SMC6: variants seen among roughly 807,000 people sequenced by gnomAD.
SMC6 encodes the protein structural maintenance of chromosomes 6.
SMC6 carries 79 observed loss-of-function variants against 142.2 expected under a neutral mutation model. The observed-to-expected ratio is 0.56, with a 90% CI of 0.46 to 0.67. The LOEUF (loss-of-function observed/expected upper bound fraction) is 0.67, where lower values mean the gene tolerates loss of function less well. Ranked by LOEUF, SMC6 falls within the 30% of genes least tolerant of loss-of-function variation. SMC6 has a pLI of 0.00. For missense variants in SMC6, 1,072 were observed against 1,284.0 expected (o/e 0.83, Z 2.52); for synonymous variants, 411 against 412.4 (o/e 1.00, Z 0.04).
chr2:17,746,002 T>A, intron 2 of SMC6, 51 bp from the exon 3 acceptor site: 1 of 1,456,890 alleles, frequency 6.9e-7, no homozygotes, highest in East Asian at 2.5e-5. Flanking sequence ...CCATATATAT[T>A]AAACTCAACA....
intron 23 of SMC6, among the ~76,000 whole-genome samples, chr2:17,689,300 G>A (rs1048045172): frequency 3.9e-5 from 6 of 152,094 alleles, no homozygotes; most frequent in Non-Finnish European, 7.4e-5. Flanking sequence ...TTCTGTAAAA[G>A]AGCATGACAA....
chr2:17,707,536 T>A (rs1473490565), intron 17 of SMC6, among the ~76,000 whole-genome samples, 157 bp from the exon 18 acceptor site: 11 of 152,144 alleles, frequency 7.2e-5, no homozygotes, highest in Admixed American at 7.2e-4. Flanking sequence ...ATAAGAATTT[T>A]AAAAACTTTC....
At chr2:17,714,095 T>G (rs1373284698) in intron 16 of SMC6, among the ~76,000 whole-genome samples, 3 of 104,390 alleles carry the variant, frequency 2.9e-5, no homozygotes, top group Admixed American at 8.5e-5. Flanking sequence ...TTTTTTTGTT[T>G]TTTTTTTTTT....
In SMC6 at chr2:17,664,539, T is replaced by C. The variant is rs1401888187; in HGVS notation, c.*960A>G. ...AGCATGAATCCTAGTATCAAACAAATAATACAGGGAGCAATAAAATTCATG... is the reference window on the plus strand; with the variant it reads ...AGCATGAATCCTAGTATCAAACAAACAATACAGGGAGCAATAAAATTCATG... On this transcript the variant is annotated 3_prime_UTR_variant, in exon 28 of 28. Transcript: ENST00000448223. 1 of 152,172 alleles carries C rather than the reference T, an allele frequency of 6.6e-6. No homozygotes were observed. Among genetic ancestry groups the C allele is most frequent in the Non-Finnish European group, 1.5e-5 (1 of 68,018 alleles). 9.4% of individuals were successfully genotyped at this position (152,172 alleles called of 1,614,324 possible).
intron 5 of SMC6, among the ~76,000 whole-genome samples, chr2:17,733,986 CACTT>C (rs1051068422): frequency 6.6e-6 from 1 of 152,124 alleles, no homozygotes; most frequent in African/African-American, 2.4e-5. Context: ...GAAACACACT[CACTT>C]ACCTGTACAC....
chr2:17,679,641 T>C (rs902799043), intron 24 of SMC6: 1 of 152,196 alleles, frequency 6.6e-6, no homozygotes, highest in East Asian at 1.9e-4. Context: ...CACCATCTAT[T>C]ACTATCCTTA....
At chr2:17,713,367 C>T in intron 16 of SMC6, 1 of 419,280 alleles carries the variant, frequency 2.4e-6, no homozygotes, top group Non-Finnish European at 4.9e-6. Context: ...GGCCCTTGTT[C>T]TCAGCACATA....
intron 26 of SMC6, among the ~76,000 whole-genome samples, chr2:17,668,113 G>A (rs1666588474): frequency 6.6e-6 from 1 of 152,134 alleles, no homozygotes; most frequent in African/African-American, 2.4e-5. Context: ...ATTTCATTGG[G>A]GCAAAGTGCC....
intron 21 of SMC6, among the ~76,000 whole-genome samples, chr2:17,697,558 C>G (rs1372885183): frequency 2.0e-5 from 3 of 151,964 alleles, no homozygotes; most frequent in Non-Finnish European, 2.9e-5. Context: ...AAAGACATTT[C>G]CCCAAAGATA....
chr2:17,725,805 A>C (rs1403915955), intron 8 of SMC6, among the ~76,000 whole-genome samples: 1 of 152,100 alleles, frequency 6.6e-6, no homozygotes, highest in Non-Finnish European at 1.5e-5. Flanking sequence ...ATAGTTTAAG[A>C]TTTACAGCAC....
intron 26 of SMC6, among the ~76,000 whole-genome samples, chr2:17,668,004 T>C (rs1572238512): frequency 1.3e-5 from 2 of 148,240 alleles, no homozygotes; most frequent in South Asian, 4.3e-4. Flanking sequence ...ATATCTGCTG[T>C]GAGAGGCCTA....
intron 3 of SMC6, among the ~76,000 whole-genome samples, chr2:17,745,168 C>G (rs1670679664): frequency 6.6e-6 from 1 of 152,118 alleles, no homozygotes; most frequent in African/African-American, 2.4e-5. Context: ...ACTGGTTTTA[C>G]AGTTTGCTTT....
At chr2:17,722,321 A>G (rs1054235746) in intron 9 of SMC6, among the ~76,000 whole-genome samples, 3 of 152,094 alleles carry the variant, frequency 2.0e-5, no homozygotes, top group Non-Finnish European at 2.9e-5. Context: ...TCCTCTACCT[A>G]TATCTTGGAT....
chr2:17,737,215 A>T (rs1670199573), intron 5 of SMC6, among the ~76,000 whole-genome samples: 1 of 152,202 alleles, frequency 6.6e-6, no homozygotes, highest in Non-Finnish European at 1.5e-5. Flanking sequence ...TTTCTGAGGA[A>T]TACATAAGAA....
chr2:17,752,077 T>C (rs1671069314), intron 2 of SMC6, among the ~76,000 whole-genome samples: 2 of 152,222 alleles, frequency 1.3e-5, no homozygotes, highest in South Asian at 2.1e-4. Context: ...GATATATAAC[T>C]ACATAACTTT....
intron 7 of SMC6, among the ~76,000 whole-genome samples, chr2:17,729,568 C>G (rs911831300): frequency 3.9e-5 from 6 of 152,144 alleles, no homozygotes; most frequent in African/African-American, 1.4e-4. Context: ...GGTGGAGATT[C>G]TACACAGGGT....
intron 4 of SMC6, among the ~76,000 whole-genome samples, chr2:17,739,998 G>A (rs980441483): frequency 1.3e-5 from 2 of 150,358 alleles, no homozygotes; most frequent in Non-Finnish European, 2.9e-5. Context: ...ATTATCTTCC[G>A]CAAAGTAACA....
chr2:17,689,681 T>A (rs572144359), intron 23 of SMC6, among the ~76,000 whole-genome samples: 31 of 152,350 alleles, frequency 2.0e-4, no homozygotes, highest in African/African-American at 6.7e-4. Context: ...CCTGGGCAGA[T>A]ACCAAAATCC....
intron 18 of SMC6, among the ~76,000 whole-genome samples, chr2:17,703,747 A>G (rs1176192929): frequency 6.6e-6 from 1 of 152,118 alleles, no homozygotes; most frequent in East Asian, 1.9e-4. Context: ...TCTTTTCTGT[A>G]GCTAACTGTA....
Sources: allele counts gnomAD v4.1 joint callset (sites outside exome capture counted in the v4.1 genomes callset), GRCh38; gene constraint gnomAD v4.1.1; transcripts MANE v1.5; gene names NCBI Gene and HGNC (gene_info 2026-07-23, HGNC 2026-07-21).